CACNB2: variants seen among roughly 807,000 people sequenced by gnomAD.
CACNB2 encodes the protein calcium voltage-gated channel auxiliary subunit beta 2.
Under a neutral mutation model 73.3 loss-of-function variants are expected in CACNB2, and 42 were observed. That is an observed-to-expected ratio of 0.57 (90% CI 0.45 to 0.74). The LOEUF (loss-of-function observed/expected upper bound fraction) is 0.74. Among genes scored for constraint, CACNB2 ranks in the 30% least tolerant of loss-of-function variants. CACNB2 has a pLI of 0.00. For missense variants in CACNB2, 940 were observed against 853.0 expected (o/e 1.10, Z -1.27); for synonymous variants, 348 against 310.3 (o/e 1.12, Z -1.28).
In CACNB2 at chr10:18,261,206, C is replaced by A. The variant is rs2037521226; in HGVS notation, c.213+110231C>A. ...GGGAAGAAATGGACCGAGGCTGTGA[C>A]GAGAAGACAAGGCACAGTGCAGCTT... On this transcript the variant is annotated intron_variant, in intron 2 of 13. Coordinates refer to ENST00000324631, the MANE Select transcript of CACNB2 (RefSeq NM_201596.3). 1.9e-6 allele frequency: 3 copies of A among 1,549,838 alleles called. No individual in the cohort carries two copies. The East Asian group carries it at 7.3e-5, about 38-fold the overall frequency.
intron 2 of CACNB2, among the ~76,000 whole-genome samples, chr10:18,365,706 T>C (rs536680684): frequency 2.0e-5 from 3 of 152,202 alleles, no homozygotes; most frequent in Non-Finnish European, 4.4e-5. Flanking sequence ...TGGGACAGAA[T>C]AGTGCAACAT....
intron 2 of CACNB2, among the ~76,000 whole-genome samples, chr10:18,168,522 T>A (rs1298948627): frequency 1.3e-5 from 2 of 151,938 alleles, no homozygotes; most frequent in Admixed American, 1.3e-4. Flanking sequence ...TGTGTGTGAG[T>A]GTGTGTGTTT....
chr10:18,534,276 G>A, intron 11 of CACNB2, 49 bp downstream of exon 11: 4 of 1,459,210 alleles, frequency 2.7e-6, no homozygotes, highest in African/African-American at 2.8e-5. Context: ...TTCCTAAAAT[G>A]TATTTTATGT....
intron 2 of CACNB2, among the ~76,000 whole-genome samples, chr10:18,277,291 C>G (rs2038339246): frequency 6.6e-6 from 1 of 152,144 alleles, no homozygotes; most frequent in Non-Finnish European, 1.5e-5. Flanking sequence ...AAGGCAACAC[C>G]CTTTAAGACA....
chr10:18,303,640 C>G (rs1433127466), intron 2 of CACNB2, among the ~76,000 whole-genome samples: 1 of 152,116 alleles, frequency 6.6e-6, no homozygotes, highest in Non-Finnish European at 1.5e-5. Flanking sequence ...TGAAGGCAAC[C>G]CATATGAAGG....
At chr10:18,485,000 CA>C (rs1217411996) in intron 3 of CACNB2, among the ~76,000 whole-genome samples, 2 of 151,960 alleles carry the variant, frequency 1.3e-5, no homozygotes, top group Non-Finnish European at 2.9e-5. Context: ...ACAAAAAATA[CA>C]AAAAGTAGCC....
chr10:18,397,799 A>G (rs2043792924), intron 2 of CACNB2, among the ~76,000 whole-genome samples: 2 of 152,004 alleles, frequency 1.3e-5, no homozygotes, highest in African/African-American at 2.4e-5. Flanking sequence ...GTGATATGCA[A>G]TTTTCCTATG....
At chr10:18,200,219 A>C (rs1195310611) in intron 2 of CACNB2, among the ~76,000 whole-genome samples, 1 of 152,112 alleles carries the variant, frequency 6.6e-6, no homozygotes, top group Non-Finnish European at 1.5e-5. Flanking sequence ...CATTTGTGCC[A>C]TTAATTTAGA....
chr10:18,440,649 CA>C lies in CACNB2; in HGVS notation c.333+38607del, dbSNP rs371965464. ...GAGCAAGGCCCTATCCCCCACCCCC[CA>C]GAGAAAAGCTTCTGTGAAGGTGACA... On this transcript the variant is annotated intron_variant, in intron 3 of 13. Coordinates refer to ENST00000324631, the MANE Select transcript of CACNB2 (RefSeq NM_201596.3). Among the ~76,000 whole-genome samples, 770 of 150,028 alleles carry C rather than the reference CA, an allele frequency of 5.1e-3. 11 individuals are homozygous for C. Among genetic ancestry groups the C allele is most frequent in the African/African-American group, 0.017 (704 of 41,058 alleles).
chr10:18,262,856 C>T (rs758114646), intron 2 of CACNB2, among the ~76,000 whole-genome samples: 1 of 152,148 alleles, frequency 6.6e-6, no homozygotes, highest in Non-Finnish European at 1.5e-5. Context: ...TTTAGTTCTT[C>T]TTCTTACATT....
At chr10:18,174,410 T>C (rs2033457996) in intron 2 of CACNB2, among the ~76,000 whole-genome samples, 1 of 143,420 alleles carries the variant, frequency 7.0e-6, no homozygotes, top group Admixed American at 7.0e-5. Context: ...CTTTCTTTCC[T>C]TCTTTCCTTC....
At chr10:18,437,536 T>C (rs1487404779) in intron 3 of CACNB2, among the ~76,000 whole-genome samples, 1 of 152,226 alleles carries the variant, frequency 6.6e-6, no homozygotes, top group Non-Finnish European at 1.5e-5. Context: ...AAGGTCCTTT[T>C]GTTGCCAGGC....
intron 3 of CACNB2, among the ~76,000 whole-genome samples, chr10:18,409,048 A>G (rs946416914): frequency 6.6e-6 from 1 of 151,900 alleles, no homozygotes; most frequent in African/African-American, 2.4e-5. Context: ...TTGTAATCTC[A>G]GCACTTTGGG....
intron 2 of CACNB2, chr10:18,340,787 C>G: frequency 6.3e-7 from 1 of 1,585,310 alleles, no homozygotes; most frequent in Non-Finnish European, 8.5e-7. Flanking sequence ...CTACACACCC[C>G]AAGCCAGCAA....
At chr10:18,162,767 T>C (rs1049751630) in intron 2 of CACNB2, among the ~76,000 whole-genome samples, 1 of 152,140 alleles carries the variant, frequency 6.6e-6, no homozygotes, top group Non-Finnish European at 1.5e-5. Flanking sequence ...TTCGTGAACC[T>C]GGAGGAAGTA....
In CACNB2 at chr10:18,266,655, G is replaced by A. The variant is rs78611159; in HGVS notation, c.213+115680G>A. 7.1e-3 allele frequency among the ~76,000 whole-genome samples: 1,083 copies of A among 152,302 alleles called. 41 individuals are homozygous for A. The East Asian group carries it at 0.074, about 10-fold the overall frequency. On this transcript the variant is annotated intron_variant, in intron 2 of 13. Coordinates refer to ENST00000324631, the MANE Select transcript of CACNB2 (RefSeq NM_201596.3). ...TGTAATCTCAGCACTTTGCTAGGCC[G>A]AGATGAGCAGATAACTTGAGGTCAG...
intron 2 of CACNB2, among the ~76,000 whole-genome samples, chr10:18,315,508 A>AC (rs1462743459): frequency 2.2e-4 from 26 of 118,352 alleles, no homozygotes; most frequent in African/African-American, 7.2e-4. Flanking sequence ...TTAAAAAAAA[A>AC]AAAAAAAAAA....
intron 9 of CACNB2, among the ~76,000 whole-genome samples, chr10:18,521,569 T>C (rs1445883000): frequency 6.6e-6 from 1 of 152,194 alleles, no homozygotes; most frequent in African/African-American, 2.4e-5. Context: ...TTATTGAGTA[T>C]ATTCTATGTG....
intron 2 of CACNB2, among the ~76,000 whole-genome samples, chr10:18,167,400 A>G (rs186735928): frequency 6.6e-6 from 1 of 152,214 alleles, no homozygotes; most frequent in Admixed American, 6.5e-5. Context: ...AAACCTTACC[A>G]TCATGCAATA....
Sources: allele counts gnomAD v4.1 joint callset (sites outside exome capture counted in the v4.1 genomes callset), GRCh38; gene constraint gnomAD v4.1.1; transcripts MANE v1.5; gene names NCBI Gene and HGNC (gene_info 2026-07-23, HGNC 2026-07-21).